FNTB: variants seen among roughly 807,000 people sequenced by gnomAD.
FNTB encodes farnesyltransferase, CAAX box, subunit beta.
Under a neutral mutation model 59.4 loss-of-function variants are expected in FNTB, and 27 were observed. The observed-to-expected ratio is 0.45, with a 90% CI of 0.34 to 0.63. The LOEUF is 0.63. Among genes scored for constraint, FNTB ranks in the 20% least tolerant of loss-of-function variants. The pLI, the probability that FNTB is intolerant of heterozygous loss-of-function variation, is 0.02. For missense variants in FNTB, 449 were observed against 559.6 expected, an observed-to-expected ratio of 0.80 and a Z score of 1.99; for synonymous variants, 230 against 220.7, an observed-to-expected ratio of 1.04 and a Z score of -0.37.
At chr14:65,053,625 T>TAAAAAAAAAACAAAAA (rs201558638) in intron 10 of FNTB, among the ~76,000 whole-genome samples, 2,024 of 146,000 alleles carry the variant, frequency 0.014, 35 homozygotes, top group African/African-American at 0.052. Flanking sequence ...CTTCTTTTTT[T>TAAAAAAAAAACAAAAA]TAAAAAAAAC....
intron 1 of FNTB, among the ~76,000 whole-genome samples, chr14:64,989,760 G>A (rs578019394): frequency 2.6e-5 from 4 of 152,314 alleles, no homozygotes; most frequent in South Asian, 4.1e-4. Context: ...CTCGGCATAA[G>A]TTGTTAAACA....
rs564004129 is a variant in FNTB, at chr14:65,007,976, GCAGGTCTCTCA to G, written c.209+3668_209+3678del. Among the ~76,000 whole-genome samples, 400 of 152,294 alleles carry G rather than the reference GCAGGTCTCTCA, an allele frequency of 2.6e-3. No homozygotes were observed. The highest frequency in any genetic ancestry group is 4.2e-3 in the Non-Finnish European group (285 of 68,030). On this transcript the variant is annotated intron_variant, in intron 2 of 11. Coordinates refer to ENST00000246166, the MANE Select transcript of FNTB (RefSeq NM_002028.4). The surrounding 1 kb of genome is among the most constrained non-coding windows in gnomAD (Gnocchi z 4.9). ...AATACTCTGAGTTAAAGTCCTCAAA[GCAGGTCTCTCA>G]CAGGCACCAGCTTAGCTCCCGTGTT...
chr14:65,040,096 G>C (rs1299385919), intron 7 of FNTB, among the ~76,000 whole-genome samples: 1 of 152,086 alleles, frequency 6.6e-6, no homozygotes, highest in African/African-American at 2.4e-5. Flanking sequence ...AGGCTGAGGT[G>C]GGAGGATTGC....
At position 65,047,357 on chromosome 14, in the gene FNTB, A is replaced by C. The variant is rs1171288380; in HGVS notation, c.955+2914A>C. Among the ~76,000 whole-genome samples, 1 of 152,260 alleles carries C rather than the reference A, an allele frequency of 6.6e-6. No individual in the cohort carries two copies. Among genetic ancestry groups the C allele is most frequent in the Non-Finnish European group, 1.5e-5 (1 of 68,048 alleles). On this transcript the variant is annotated intron_variant, in intron 9 of 11. Transcript: ENST00000246166. This position sits in a 1 kb window ranked among gnomAD's most constrained non-coding sequence, Gnocchi z 5.2. The stretch of plus-strand genomic sequence containing the variant: ...GGTTAGTATGTGGTTGTGTGAATCC[A>C]GACTAGCTGGCATCTGAACCCTGCC...
intron 8 of FNTB, among the ~76,000 whole-genome samples, chr14:65,043,235 C>T (rs1307944625): frequency 6.6e-6 from 1 of 152,150 alleles, no homozygotes; most frequent in Non-Finnish European, 1.5e-5. Context: ...TTCTGAGGGA[C>T]CAAACCCATG....
At chr14:65,020,716 G>A (rs899260788) in intron 4 of FNTB, among the ~76,000 whole-genome samples, 3 of 150,650 alleles carry the variant, frequency 2.0e-5, no homozygotes, top group African/African-American at 7.3e-5. Flanking sequence ...TTACAGGCAT[G>A]AGCCACCGCG....
At chr14:65,036,100 T>C (rs1250464439) in intron 7 of FNTB, among the ~76,000 whole-genome samples, 2 of 152,020 alleles carry the variant, frequency 1.3e-5, no homozygotes, top group Admixed American at 1.3e-4. Context: ...CACAAAGTGT[T>C]GGAATTACAG....
At chr14:64,998,681 G>A (rs1369836860) in intron 1 of FNTB, among the ~76,000 whole-genome samples, 1 of 152,218 alleles carries the variant, frequency 6.6e-6, no homozygotes, top group African/African-American at 2.4e-5. Flanking sequence ...TTTTGATTTT[G>A]ACAGTGTTCA....
At position 65,047,384 on chromosome 14, in the gene FNTB, T is replaced by C. The variant is rs1232308077; in HGVS notation, c.955+2941T>C. Among the ~76,000 whole-genome samples, 1 of 152,256 alleles carries C rather than the reference T, an allele frequency of 6.6e-6. No homozygotes were observed. The highest frequency in any genetic ancestry group is 2.4e-5 in the African/African-American group (1 of 41,476). ...ACTAGCTGGCATCTGAACCCTGCCC[T>C]GCTCATAACCACAGTAGGTGGCCAT... is the stretch of plus-strand genomic sequence containing the variant. On this transcript the variant is annotated intron_variant, in intron 9 of 11. Coordinates refer to ENST00000246166, the MANE Select transcript of FNTB (RefSeq NM_002028.4). The surrounding 1 kb of genome is among the most constrained non-coding windows in gnomAD (Gnocchi z 5.2).
intron 4 of FNTB, among the ~76,000 whole-genome samples, chr14:65,022,365 A>G (rs1040063811): frequency 3.3e-5 from 5 of 151,394 alleles, no homozygotes; most frequent in Admixed American, 1.3e-4. Flanking sequence ...AAGTCTGTCT[A>G]TGATAGCCTA....
At chr14:65,039,071 A>G (rs560472099) in intron 7 of FNTB, among the ~76,000 whole-genome samples, 1 of 152,136 alleles carries the variant, frequency 6.6e-6, no homozygotes, top group South Asian at 2.1e-4. Flanking sequence ...ACTGTGGTCA[A>G]ATGTCTGGTA....
Position 64,995,771 on chromosome 14 carries a change from G to A in FNTB, c.145-8478G>A, listed in dbSNP as rs201549986. 1.4e-3 allele frequency among the ~76,000 whole-genome samples: 170 copies of A among 119,378 alleles called. 7 individuals carry two copies. In the South Asian group the frequency reaches 0.024, roughly 17 times the overall value. 78.3% of individuals were successfully genotyped at this position (119,378 alleles called of 152,430 possible). A position where few individuals can be genotyped will look rare whatever the true frequency, so the allele number is the denominator to read the frequency against. ...TATAAGTGTATGTATGTATATGTAC[G>A]TATGTATGTATGTATGTATGTATAA... is the stretch of plus-strand genomic sequence containing the variant. On this transcript the variant is annotated intron_variant, in intron 1 of 11. Coordinates refer to ENST00000246166, the MANE Select transcript of FNTB (RefSeq NM_002028.4).
Position 65,001,796 on chromosome 14 carries a change from A to G in FNTB, c.145-2453A>G, listed in dbSNP as rs1010752019. ...TAGGCTGGTGCTTTATTTTAGCTGC[A>G]TGAGTGTCAGGAATGGAAAAAGAAT... On this transcript the variant is annotated intron_variant, in intron 1 of 11. Coordinates refer to ENST00000246166, the MANE Select transcript of FNTB (RefSeq NM_002028.4). This position sits in a 1 kb window ranked among gnomAD's most constrained non-coding sequence, Gnocchi z 5.5. Among the ~76,000 whole-genome samples the G allele has an allele frequency of 3.9e-5, 6 of 152,330 alleles. No homozygotes were observed. In the East Asian group the frequency reaches 9.6e-4, roughly 24 times the overall value.
At position 65,009,656 on chromosome 14, in the gene FNTB, G is replaced by C. The variant is rs1231630755; in HGVS notation, c.210-2661G>C. 6.6e-6 allele frequency among the ~76,000 whole-genome samples: 1 copy of C among 152,002 alleles called. No homozygotes were observed. The highest frequency in any genetic ancestry group is 1.5e-5 in the Non-Finnish European group (1 of 68,008). On this transcript the variant is annotated intron_variant, in intron 2 of 11. Transcript: ENST00000246166. The surrounding 1 kb of genome is among the most constrained non-coding windows in gnomAD (Gnocchi z 4.2). ...CAGACCTTCCCTATGGATTTCCTCT[G>C]AGCTTTTGCATTTCTAATGTGGAAT...
intron 2 of FNTB, among the ~76,000 whole-genome samples, chr14:65,004,955 G>A (rs1201873432): frequency 6.6e-6 from 1 of 152,180 alleles, no homozygotes; most frequent in Admixed American, 6.5e-5. Flanking sequence ...GAGCCACTGT[G>A]CCCGGCCCAG....
chr14:65,006,156 C>CTTTTTTTTTTTTTTTTTTTTTTTCT, intron 2 of FNTB: 1 of 1,500,752 alleles, frequency 6.7e-7, no homozygotes, highest in African/African-American at 1.5e-5. Context: ...ACCTTTGTGT[C>CTTTTTTTTTTTTTTTTTTTTTTTCT]TTTTTTTTTT....
chr14:65,017,628 TATC>T (rs1345094244), intron 4 of FNTB, among the ~76,000 whole-genome samples: 1 of 152,142 alleles, frequency 6.6e-6, no homozygotes, highest in Non-Finnish European at 1.5e-5. Flanking sequence ...CTAAATTAAA[TATC>T]AACAGTAGAG....
intron 8 of FNTB, among the ~76,000 whole-genome samples, 188 bp downstream of exon 8, chr14:65,041,107 C>T (rs752507376): frequency 1.3e-5 from 2 of 152,140 alleles, no homozygotes; most frequent in Non-Finnish European, 2.9e-5. Context: ...TGTCTTCCTG[C>T]TTAGAGCTTT....
chr14:65,010,527 T>G (rs1256490033), intron 2 of FNTB, among the ~76,000 whole-genome samples: 1 of 152,166 alleles, frequency 6.6e-6, no homozygotes, highest in African/African-American at 2.4e-5. Context: ...CCCAACTGGG[T>G]CAGCTCCTCA....
Sources: allele counts gnomAD v4.1 joint callset (sites outside exome capture counted in the v4.1 genomes callset), GRCh38; gene constraint gnomAD v4.1.1; non-coding constraint Gnocchi (gnomAD v3.1); transcripts MANE v1.5; gene names NCBI Gene and HGNC (gene_info 2026-07-23, HGNC 2026-07-21).